The following BLTP3A variants were observed in gnomAD, a reference collection of about 807,000 sequenced individuals.
BLTP3A encodes the protein ICBP90 binding protein 1.
At chr6:34,875,103 C>T in the BLTP3A span, 1 of 152,540 alleles carries the variant, frequency 6.6e-6, no homozygotes, top group African/African-American at 2.4e-5. Context: ...ATGTAAGGAG[C>T]TCATTGTCTA....
At chr6:34,867,459 T>TA in the BLTP3A span, 1 of 1,613,986 alleles carries the variant, frequency 6.2e-7, no homozygotes, top group Non-Finnish European at 8.5e-7. Flanking sequence ...AGAATCTCCT[T>TA]TGATAGGTCT....
At chr6:34,837,370 G>A in the BLTP3A span, among the ~76,000 whole-genome samples, 1 of 151,586 alleles carries the variant, frequency 6.6e-6, no homozygotes, top group East Asian at 1.9e-4. Flanking sequence ...GGCGAAACCC[G>A]TCTCTACAAA....
chr6:34,803,807 G>T, the BLTP3A span, among the ~76,000 whole-genome samples: 1 of 152,006 alleles, frequency 6.6e-6, no homozygotes, highest in East Asian at 1.9e-4. Context: ...ATCCGAGTAA[G>T]GAGGGAATAC....
chr6:34,838,856 G>T, the BLTP3A span, among the ~76,000 whole-genome samples: 2 of 152,122 alleles, frequency 1.3e-5, no homozygotes, highest in Non-Finnish European at 2.9e-5. Flanking sequence ...CGGGAGGATC[G>T]CTTGGCAGAG....
chr6:34,802,631 G>C, the BLTP3A span, among the ~76,000 whole-genome samples: 1 of 152,084 alleles, frequency 6.6e-6, no homozygotes, highest in African/African-American at 2.4e-5. Context: ...AAAGTACTGG[G>C]ATTACAGGTG....
the BLTP3A span, among the ~76,000 whole-genome samples, chr6:34,847,957 G>T: frequency 2.0e-5 from 2 of 101,296 alleles, no homozygotes; most frequent in African/African-American, 4.2e-5. Flanking sequence ...GCCTCACTCT[G>T]TCACCCAGGC....
chr6:34,834,377 A>G, the BLTP3A span: 1 of 1,613,494 alleles, frequency 6.2e-7, no homozygotes, highest in African/African-American at 1.3e-5. Flanking sequence ...CCTTCGCCTT[A>G]CCCGCATCAC....
the BLTP3A span, chr6:34,855,526 C>T: frequency 2.1e-6 from 3 of 1,460,050 alleles, no homozygotes; most frequent in Non-Finnish European, 2.8e-6. Flanking sequence ...GGCTTTGAAG[C>T]TGGTCGTTAA....
At chr6:34,795,852 T>C in the BLTP3A span, among the ~76,000 whole-genome samples, 1 of 152,178 alleles carries the variant, frequency 6.6e-6, no homozygotes, top group East Asian at 1.9e-4. Context: ...GGCAGGGGAC[T>C]GAGGAAGAGG....
chr6:34,858,380 G>C, the BLTP3A span: 1 of 1,614,056 alleles, frequency 6.2e-7, no homozygotes, highest in Admixed American at 1.7e-5. Context: ...ATGGATTCCT[G>C]CCTGCCTCAG....
chr6:34,823,256 G>C, the BLTP3A span: 1 of 1,613,450 alleles, frequency 6.2e-7, no homozygotes, highest in Non-Finnish European at 8.5e-7. Flanking sequence ...TTCTATTTCA[G>C]TGTCTGGATA....
At chr6:34,867,585 ACT>A in the BLTP3A span, 1 of 1,613,380 alleles carries the variant, frequency 6.2e-7, no homozygotes, top group Middle Eastern at 1.8e-4. Flanking sequence ...GCACCGTGGG[ACT>A]CTGGCAGTTC....
At chr6:34,834,495 T>G in the BLTP3A span, 696 of 1,529,620 alleles carry the variant, frequency 4.6e-4, 1 homozygote, top group Non-Finnish European at 5.9e-4. Flanking sequence ...ATTTTGTGGA[T>G]TTCCTCAAAT....
the BLTP3A span, among the ~76,000 whole-genome samples, chr6:34,827,913 A>G: frequency 1.3e-5 from 2 of 152,086 alleles, no homozygotes; most frequent in South Asian, 4.2e-4. Flanking sequence ...ATTACATGAA[A>G]TCATTCTTTA....
the BLTP3A span, among the ~76,000 whole-genome samples, chr6:34,826,357 CTTT>C: frequency 4.4e-5 from 6 of 135,412 alleles, no homozygotes; most frequent in Non-Finnish European, 6.4e-5. Flanking sequence ...TTACATCCTA[CTTT>C]TTTTTTTTTT....
At chr6:34,871,776 T>C in the BLTP3A span, 2 of 1,611,824 alleles carry the variant, frequency 1.2e-6, no homozygotes, top group Non-Finnish European at 1.7e-6. Flanking sequence ...GTTTGGGAGT[T>C]GGCAGCAGTT....
At chr6:34,867,373 T>A in the BLTP3A span, 1 of 1,614,068 alleles carries the variant, frequency 6.2e-7, no homozygotes, top group Non-Finnish European at 8.5e-7. Context: ...ACCTCATCTT[T>A]CACCCGGTCA....
At chr6:34,863,466 C>G in the BLTP3A span, among the ~76,000 whole-genome samples, 1 of 152,174 alleles carries the variant, frequency 6.6e-6, no homozygotes, top group Non-Finnish European at 1.5e-5. Flanking sequence ...CTCACTTTCA[C>G]AGTCCTTCAA....
At chr6:34,800,729 T>C in the BLTP3A span, among the ~76,000 whole-genome samples, 1 of 152,118 alleles carries the variant, frequency 6.6e-6, no homozygotes, top group Non-Finnish European at 1.5e-5. Flanking sequence ...TATATCTTAG[T>C]AAAAGGGTAT....
Sources: gnomAD v4.1 joint callset for allele counts (sites outside exome capture counted in the v4.1 genomes callset) on GRCh38, gnomAD v4.1.1 for gene constraint, MANE v1.5 for transcripts, NCBI Gene and HGNC (gene_info 2026-07-23, HGNC 2026-07-21) for gene names.